The following SERAC1 variants were observed in gnomAD, a reference collection of about 807,000 sequenced individuals.
The protein encoded by SERAC1 is protein SERAC1.
Under a neutral mutation model 85.7 loss-of-function variants are expected in SERAC1, and 36 were observed. That is an observed-to-expected ratio of 0.42 (90% confidence interval 0.32 to 0.55). SERAC1 has a LOEUF of 0.55. Among genes scored for constraint, SERAC1 ranks in the 20% least tolerant of loss-of-function variants. The pLI is 0.11. For missense variants in SERAC1, 629 were observed against 796.2 expected (o/e 0.79, Z 2.53); for synonymous variants, 242 against 265.3 (o/e 0.91, Z 0.85).
At chr6:158,135,626 T>G (rs1287501735) in intron 8 of SERAC1, among the ~76,000 whole-genome samples, 1 of 152,214 alleles carries the variant, frequency 6.6e-6, no homozygotes, top group African/African-American at 2.4e-5. Context: ...TTAAATTTTC[T>G]GAATCGATAA....
At chr6:158,156,249 A>G (rs1401549997) in intron 2 of SERAC1, among the ~76,000 whole-genome samples, 3 of 152,218 alleles carry the variant, frequency 2.0e-5, no homozygotes, top group Non-Finnish European at 2.9e-5. Flanking sequence ...AAAAATTCCT[A>G]TGGCAGACAC....
At chr6:158,164,360 A>G (rs2128426375) in intron 1 of SERAC1, among the ~76,000 whole-genome samples, 1 of 152,190 alleles carries the variant, frequency 6.6e-6, no homozygotes, top group African/African-American at 2.4e-5. Context: ...CTGTAGTCCC[A>G]GCTACTCAGG....
Position 158,111,316 on chromosome 6 carries a change from C to T in SERAC1, c.*50G>A. ...AGAGCTTAAAAGAAGAAACAGAACA[C>T]CAAGTTTCTTGCACTGAATTCACAT... On this transcript the variant is annotated 3_prime_UTR_variant, in exon 17 of 17. Transcript: ENST00000647468. 1 of 1,504,892 alleles carries T rather than the reference C, an allele frequency of 6.6e-7. No individual in the cohort carries two copies. Among genetic ancestry groups the T allele is most frequent in the Non-Finnish European group, 8.9e-7 (1 of 1,123,144 alleles). 93.2% of individuals were successfully genotyped at this position (1,504,892 alleles called of 1,614,324 possible). A position where few individuals can be genotyped will look rare whatever the true frequency, so the allele number is the denominator to read the frequency against.
intron 8 of SERAC1, among the ~76,000 whole-genome samples, chr6:158,133,740 AAACT>A (rs1366535213): frequency 6.6e-6 from 1 of 152,186 alleles, no homozygotes; most frequent in African/African-American, 2.4e-5. Flanking sequence ...TGATTTGTGC[AAACT>A]AACTGGGCTT....
At chr6:158,152,424 G>A (rs1053816436) in intron 3 of SERAC1, among the ~76,000 whole-genome samples, 3 of 152,160 alleles carry the variant, frequency 2.0e-5, no homozygotes, top group African/African-American at 4.8e-5. Flanking sequence ...GCTGAGACAG[G>A]AGAATTGCTT....
intron 8 of SERAC1, among the ~76,000 whole-genome samples, chr6:158,141,721 C>T (rs1398007366): frequency 1.3e-5 from 2 of 152,150 alleles, no homozygotes; most frequent in Non-Finnish European, 2.9e-5. Context: ...TGGCACCTTC[C>T]AGCCACTTTG....
intron 10 of SERAC1, among the ~76,000 whole-genome samples, chr6:158,122,069 A>ATGTT (rs1241334338): frequency 4.6e-5 from 7 of 152,200 alleles, no homozygotes; most frequent in African/African-American, 1.7e-4. Flanking sequence ...TGCCTTTTCT[A>ATGTT]TGTTTAGCTG....
intron 1 of SERAC1, chr6:158,158,671 G>A (rs768994442): frequency 8.2e-5 from 18 of 220,778 alleles, no homozygotes; most frequent in Non-Finnish European, 1.1e-4. Flanking sequence ...AGAATTAAAC[G>A]GTAACAAGAA....
At chr6:158,140,103 T>C (rs1366151346) in intron 8 of SERAC1, among the ~76,000 whole-genome samples, 1 of 152,228 alleles carries the variant, frequency 6.6e-6, no homozygotes, top group African/African-American at 2.4e-5. Context: ...TAAATGTTGA[T>C]ATTGAGATCT....
At chr6:158,129,589 A>C (rs1784621827) in intron 9 of SERAC1, among the ~76,000 whole-genome samples, 1 of 152,124 alleles carries the variant, frequency 6.6e-6, no homozygotes, top group Admixed American at 6.5e-5. Flanking sequence ...TTAAACTATC[A>C]TCATGACAGA....
intron 12 of SERAC1, 62 bp downstream of exon 12, chr6:158,118,967 A>ACAATCAGGGCCCCAG: frequency 1.3e-6 from 2 of 1,550,980 alleles, no homozygotes; most frequent in Non-Finnish European, 1.7e-6. Context: ...CAAGCAAGCC[A>ACAATCAGGGCCCCAG]CAATCAGGGC....
intron 10 of SERAC1, among the ~76,000 whole-genome samples, chr6:158,124,211 C>G (rs1050021882): frequency 5.3e-5 from 8 of 152,088 alleles, no homozygotes; most frequent in African/African-American, 1.9e-4. Context: ...ATCCCTTAGT[C>G]TCCACCTCAT....
At chr6:158,167,335 C>G (rs1455472628) in intron 1 of SERAC1, among the ~76,000 whole-genome samples, 1 of 150,404 alleles carries the variant, frequency 6.6e-6, no homozygotes, top group African/African-American at 2.5e-5. Context: ...GTCAGGAATT[C>G]CAGACCAGCC....
At chr6:158,122,473 A>G (rs1784445423) in intron 10 of SERAC1, among the ~76,000 whole-genome samples, 1 of 152,182 alleles carries the variant, frequency 6.6e-6, no homozygotes, top group Non-Finnish European at 1.5e-5. Flanking sequence ...ATATAGTCAT[A>G]TATCTATAAT....
At chr6:158,121,017 C>T (rs1014477309) in intron 10 of SERAC1, among the ~76,000 whole-genome samples, 9 of 152,046 alleles carry the variant, frequency 5.9e-5, no homozygotes, top group African/African-American at 2.2e-4. Flanking sequence ...TATTTCTTAA[C>T]AATGAATTTG....
At chr6:158,143,339 CTCTCTCTCTATA>C (rs1324327095) in intron 7 of SERAC1, among the ~76,000 whole-genome samples, 155 bp from the exon 8 acceptor site, 1,313 of 23,158 alleles carry the variant, frequency 0.057, 7 homozygotes, top group Admixed American at 0.09. Context: ...CTCTCTCTCT[CTCTCTCTCTATA>C]TATATATATA....
chr6:158,117,667 G>C lies in SERAC1; in HGVS notation c.1403+60C>G. 4.3e-6 allele frequency: 7 copies of C among 1,611,262 alleles called. No individual in the cohort carries two copies. The highest frequency in any genetic ancestry group is 5.9e-6 in the Non-Finnish European group (7 of 1,177,950). On this transcript the variant is annotated intron_variant, in intron 13 of 16. Transcript: ENST00000647468. This position sits in a 1 kb window ranked among gnomAD's most constrained non-coding sequence, Gnocchi z 4.3. ...ATTAAAATCACTTCCCATCCAAGAGGACCTAAACTTGCGGCCTGAATTCTT... is the reference window on the plus strand; with the variant it reads ...ATTAAAATCACTTCCCATCCAAGAGCACCTAAACTTGCGGCCTGAATTCTT...
intron 10 of SERAC1, among the ~76,000 whole-genome samples, chr6:158,124,641 G>GA (rs1784495116): frequency 6.6e-6 from 1 of 151,872 alleles, no homozygotes; most frequent in Non-Finnish European, 1.5e-5. Context: ...GAAGCCAGAG[G>GA]AAAAAAGATA....
rs751471219 is a variant in SERAC1, at chr6:158,155,180, T to C, written c.128+135A>G. ...TCATGACAACATTTAAGTGGTGGGA[T>C]CAGTGATTAAATCCACCAGTCTAAT... On this transcript the variant is annotated intron_variant, in intron 3 of 16. Coordinates refer to ENST00000647468, the MANE Select transcript of SERAC1 (RefSeq NM_032861.4). 324 of 604,708 alleles carry C rather than the reference T, an allele frequency of 5.4e-4. 1 individual carries two copies. The highest frequency in any genetic ancestry group is 1.8e-3 in the Middle Eastern group (7 of 3,810). 37.5% of individuals were successfully genotyped at this position (604,708 alleles called of 1,614,324 possible).
Sources: gnomAD v4.1 joint callset for allele counts (sites outside exome capture counted in the v4.1 genomes callset) on GRCh38, gnomAD v4.1.1 for gene constraint, Gnocchi (gnomAD v3.1) non-coding constraint, MANE v1.5 for transcripts, NCBI Gene and HGNC (gene_info 2026-07-23, HGNC 2026-07-21) for gene names.